Variants in ZNF248 observed in about 807,000 individuals in gnomAD.
ZNF248 encodes the protein zinc finger protein 248.
A neutral mutation model predicts 44.3 loss-of-function variants in ZNF248; 20 were observed. The ratio of observed to expected loss-of-function variants is 0.45; its 90% CI spans 0.32 to 0.66. The LOEUF (loss-of-function observed/expected upper bound fraction) is 0.66. Ranked by LOEUF, ZNF248 falls within the 30% of genes least tolerant of loss-of-function variation. The pLI is 0.04. For synonymous variants in ZNF248, 224 were observed against 229.0 expected (o/e 0.98, Z 0.20); for missense variants, 654 against 677.0 (o/e 0.97, Z 0.38).
chr10:37,764,323 T>C, the ZNF248 span, among the ~76,000 whole-genome samples: 1 of 152,214 alleles, frequency 6.6e-6, no homozygotes, highest in Non-Finnish European at 1.5e-5. Context: ...TAATAAATTT[T>C]GGTCAGACCG....
At chr10:37,812,483 G>T (rs2051675380) in intron 6 of ZNF248, among the ~76,000 whole-genome samples, 1 of 152,148 alleles carries the variant, frequency 6.6e-6, no homozygotes, top group Non-Finnish European at 1.5e-5. Flanking sequence ...GCCTTGAAGA[G>T]AAAAGATAAA....
At chr10:37,786,668 GT>G (rs2047905607) in intron 6 of ZNF248, among the ~76,000 whole-genome samples, 1 of 151,970 alleles carries the variant, frequency 6.6e-6, no homozygotes, top group Non-Finnish European at 1.5e-5. Context: ...ACTACTTTTT[GT>G]TTTATGGATT....
intron 6 of ZNF248, among the ~76,000 whole-genome samples, chr10:37,821,426 C>T (rs1369949009): frequency 6.6e-6 from 1 of 152,178 alleles, no homozygotes; most frequent in Admixed American, 6.5e-5. Context: ...AAAGTCCATG[C>T]TCTTGAACAG....
chr10:37,845,684 T>C (rs147285214), intron 3 of ZNF248, among the ~76,000 whole-genome samples: 242 of 151,942 alleles, frequency 1.6e-3, no homozygotes, highest in African/African-American at 5.7e-3. Flanking sequence ...AAAGGAAAAA[T>C]GACCCAAACT....
the ZNF248 span, among the ~76,000 whole-genome samples, chr10:37,769,879 G>A: frequency 2.0e-5 from 3 of 152,244 alleles, no homozygotes; most frequent in South Asian, 2.1e-4. Context: ...AAACCCCATT[G>A]TCTCAGCCCA....
the ZNF248 span, among the ~76,000 whole-genome samples, chr10:37,766,276 G>T: frequency 6.6e-6 from 1 of 152,154 alleles, no homozygotes; most frequent in Non-Finnish European, 1.5e-5. Flanking sequence ...CTCCCAGCAC[G>T]CAACTGGAGA....
chr10:37,815,187 C>T (rs1240000651), intron 6 of ZNF248, among the ~76,000 whole-genome samples: 2 of 152,078 alleles, frequency 1.3e-5, no homozygotes, highest in African/African-American at 4.8e-5. Flanking sequence ...CTGCCTCAGC[C>T]TCCCAAATAG....
At chr10:37,786,854 G>C (rs986749531) in intron 6 of ZNF248, among the ~76,000 whole-genome samples, 4 of 152,112 alleles carry the variant, frequency 2.6e-5, no homozygotes, top group African/African-American at 9.7e-5. Flanking sequence ...ATGCACAAAA[G>C]TTTTAATTTT....
intron 6 of ZNF248, chr10:37,820,501 G>C: frequency 6.2e-7 from 1 of 1,600,464 alleles, no homozygotes. Flanking sequence ...GATTGGATAA[G>C]GAATGTTGCG....
chr10:37,845,395 A>G (rs2134422428), intron 3 of ZNF248, among the ~76,000 whole-genome samples: 1 of 151,542 alleles, frequency 6.6e-6, no homozygotes, highest in South Asian at 2.1e-4. Flanking sequence ...AAAAAAAAAA[A>G]CTCATGAAAA....
At chr10:37,851,705 C>T (rs2060255567) in intron 3 of ZNF248, among the ~76,000 whole-genome samples, 1 of 117,880 alleles carries the variant, frequency 8.5e-6, no homozygotes, top group Non-Finnish European at 1.7e-5. Flanking sequence ...AGAAAATACA[C>T]ATGAAAAGAT....
chr10:37,852,832 G>C (rs1341849421), intron 3 of ZNF248, among the ~76,000 whole-genome samples: 1 of 151,780 alleles, frequency 6.6e-6, no homozygotes, highest in Non-Finnish European at 1.5e-5. Flanking sequence ...GTACCAAAAG[G>C]AAAGTAGAGA....
At chr10:37,758,628 C>T in the ZNF248 span, among the ~76,000 whole-genome samples, 1 of 152,206 alleles carries the variant, frequency 6.6e-6, no homozygotes, top group Non-Finnish European at 1.5e-5. Flanking sequence ...TCTATTTTCT[C>T]CCCTATATCT....
chr10:37,855,272 A>T (rs2061069856), intron 3 of ZNF248, among the ~76,000 whole-genome samples: 1 of 152,190 alleles, frequency 6.6e-6, no homozygotes. Context: ...TCTCAGTGAA[A>T]ATGTCTCGGT....
chr10:37,795,708 C>T (rs2049074803), intron 6 of ZNF248: 1 of 152,158 alleles, frequency 6.6e-6, no homozygotes, highest in African/African-American at 2.4e-5. Flanking sequence ...ACATATATCA[C>T]ATTCATGAGG....
chr10:37,858,085 G>A (rs969602588), upstream of ZNF248: 9 of 152,426 alleles, frequency 5.9e-5, no homozygotes, highest in African/African-American at 2.2e-4. Flanking sequence ...CGCCTGGAGC[G>A]GGAGGCGGGG....
chr10:37,848,046 G>GA (rs1449444385), intron 3 of ZNF248, among the ~76,000 whole-genome samples: 3 of 151,842 alleles, frequency 2.0e-5, no homozygotes, highest in Non-Finnish European at 4.4e-5. Context: ...CAAGGTGGGT[G>GA]AATCACCTGA....
At chr10:37,795,052 T>A (rs944949388) in intron 6 of ZNF248, 1 of 152,322 alleles carries the variant, frequency 6.6e-6, no homozygotes, top group Non-Finnish European at 1.5e-5. Flanking sequence ...GTAAGGCATT[T>A]CTACACTCAG....
intron 6 of ZNF248, among the ~76,000 whole-genome samples, chr10:37,804,436 A>G (rs527561552): frequency 2.0e-5 from 3 of 149,484 alleles, no homozygotes; most frequent in African/African-American, 7.4e-5. Context: ...TTATGTATTT[A>G]TTTATTTCTT....
Sources: gnomAD v4.1 joint callset for allele counts (sites outside exome capture counted in the v4.1 genomes callset) on GRCh38, gnomAD v4.1.1 for gene constraint, MANE v1.5 for transcripts, NCBI Gene and HGNC (gene_info 2026-07-23, HGNC 2026-07-21) for gene names.